GRM7: variants seen among roughly 807,000 people sequenced by gnomAD.
GRM7 encodes the protein metabotropic glutamate receptor 7.
A neutral mutation model predicts 84.5 loss-of-function variants in GRM7; 35 were observed. The ratio of observed to expected loss-of-function variants is 0.41; its 90% CI spans 0.32 to 0.55. The LOEUF (loss-of-function observed/expected upper bound fraction) is 0.55. GRM7 is among the 20% of genes least tolerant of loss of function. GRM7 has a pLI of 0.19. For missense variants in GRM7, 1,003 were observed against 1,194.6 expected, an observed-to-expected ratio of 0.84 and a Z score of 2.36; for synonymous variants, 487 against 455.1, an observed-to-expected ratio of 1.07 and a Z score of -0.89.
chr3:7,441,650 T>C (rs1697292380), intron 5 of GRM7, among the ~76,000 whole-genome samples: 1 of 152,182 alleles, frequency 6.6e-6, no homozygotes. Context: ...CTTGGGTTAA[T>C]TTTTGTATAT....
chr3:7,531,090 A>C (rs1701019590), intron 7 of GRM7, among the ~76,000 whole-genome samples: 1 of 152,168 alleles, frequency 6.6e-6, no homozygotes, highest in Non-Finnish European at 1.5e-5. Context: ...CTTATGTTTA[A>C]GTCTTTAATC....
chr3:7,292,342 A>G (rs972459449), intron 2 of GRM7, among the ~76,000 whole-genome samples: 10 of 152,292 alleles, frequency 6.6e-5, no homozygotes, highest in Admixed American at 4.6e-4. Flanking sequence ...CTTTTATAAT[A>G]TGTATCCTCT....
At chr3:7,227,824 T>C (rs1263210065) in intron 2 of GRM7, among the ~76,000 whole-genome samples, 1 of 152,114 alleles carries the variant, frequency 6.6e-6, no homozygotes, top group Non-Finnish European at 1.5e-5. Context: ...GATAGGAATA[T>C]AACATAAAAA....
At chr3:7,332,260 C>G (rs1701237230) in intron 4 of GRM7, among the ~76,000 whole-genome samples, 1 of 152,154 alleles carries the variant, frequency 6.6e-6, no homozygotes, top group South Asian at 2.1e-4. Flanking sequence ...ATTCTCCCAA[C>G]AACTTTGTGT....
chr3:7,569,786 C>T (rs1169350833), intron 7 of GRM7, among the ~76,000 whole-genome samples: 2 of 152,072 alleles, frequency 1.3e-5, no homozygotes, highest in Non-Finnish European at 1.5e-5. Flanking sequence ...CGCGAAGGTC[C>T]GCAGCTTCAC....
intron 9 of GRM7, among the ~76,000 whole-genome samples, chr3:7,684,453 G>A (rs2125144956): frequency 6.6e-6 from 1 of 152,256 alleles, no homozygotes; most frequent in Non-Finnish European, 1.5e-5. Flanking sequence ...TAGTCTCAAT[G>A]TATTTCAATC....
At chr3:7,041,018 G>A (rs1696586855) in intron 1 of GRM7, among the ~76,000 whole-genome samples, 1 of 151,080 alleles carries the variant, frequency 6.6e-6, no homozygotes, top group Non-Finnish European at 1.5e-5. Flanking sequence ...GGGAGGTTAA[G>A]GCTGCAAGCC....
intron 1 of GRM7, among the ~76,000 whole-genome samples, chr3:7,004,057 T>A: frequency 6.6e-6 from 1 of 152,212 alleles, no homozygotes; most frequent in East Asian, 1.9e-4. Context: ...TAATGGCTGC[T>A]GGCTTCCCCC....
At chr3:7,103,053 C>T (rs1452108677) in intron 1 of GRM7, among the ~76,000 whole-genome samples, 2 of 151,762 alleles carry the variant, frequency 1.3e-5, no homozygotes, top group Non-Finnish European at 2.9e-5. Flanking sequence ...AAGCCCGTTT[C>T]CACTGATTTT....
intron 8 of GRM7, among the ~76,000 whole-genome samples, chr3:7,631,471 T>C (rs1227882907): frequency 6.6e-6 from 1 of 152,162 alleles, no homozygotes; most frequent in East Asian, 1.9e-4. Flanking sequence ...TTTTCCTCCT[T>C]TATCCCATTC....
At chr3:7,215,492 G>A (rs1696572435) in intron 2 of GRM7, among the ~76,000 whole-genome samples, 1 of 151,798 alleles carries the variant, frequency 6.6e-6, no homozygotes, top group Non-Finnish European at 1.5e-5. Context: ...GTGAAACCCC[G>A]TCTCTACTAA....
In GRM7 at chr3:7,066,350, T is replaced by C. The variant is rs967714969; in HGVS notation, c.520-80102T>C. 2.0e-5 allele frequency among the ~76,000 whole-genome samples: 3 copies of C among 151,958 alleles called. No individual in the cohort carries two copies. The East Asian group carries it at 5.8e-4, about 30-fold the overall frequency. ...GAAATGAAACAGGAGATATTACAAC[T>C]GACACCACTGAAATACAAAAGCTCA... is the stretch of plus-strand genomic sequence containing the variant. On this transcript the variant is annotated intron_variant, in intron 1 of 9. Coordinates refer to ENST00000357716, the MANE Select transcript of GRM7 (RefSeq NM_000844.4).
rs546429118 is a variant in GRM7 at position 7,669,488 on chromosome 3, A to T, written c.2452-10561A>T. Reference sequence around the variant, plus strand: ...AGTTCTTTGGGCCATGTGAAGGAATATTATCTTCATCCAAAGTGTGGTAGA... The same window carrying T: ...AGTTCTTTGGGCCATGTGAAGGAATTTTATCTTCATCCAAAGTGTGGTAGA... On this transcript the variant is annotated intron_variant, in intron 8 of 9. Transcript: ENST00000357716. 9.1e-4 allele frequency among the ~76,000 whole-genome samples: 138 copies of T among 152,314 alleles called. 2 individuals carry two copies. The South Asian group carries it at 0.026, about 29-fold the overall frequency.
chr3:7,247,601 TTA>T lies in GRM7; in HGVS notation c.737-51082_737-51081del, dbSNP rs754514009. On this transcript the variant is annotated intron_variant, in intron 2 of 9. Transcript: ENST00000357716. Reference sequence around the variant, plus strand: ...AGAATGAGACACTCTCTCTTTTTTTTTAAAAAAAAAAAAAAAAAAGAAGAAGA... The same window carrying T: ...AGAATGAGACACTCTCTCTTTTTTTTAAAAAAAAAAAAAAAAAGAAGAAGA... Among the ~76,000 whole-genome samples, 191 of 136,758 alleles carry T rather than the reference TTA, an allele frequency of 1.4e-3. 1 individual carries two copies. The highest frequency in any genetic ancestry group is 5.4e-3 in the African/African-American group (181 of 33,658). The allele number at this position is 136,758 out of a possible 152,430, so 89.7% of individuals were successfully genotyped here.
chr3:7,550,396 T>G (rs13067740), intron 7 of GRM7, among the ~76,000 whole-genome samples: 55,149 of 143,612 alleles, frequency 0.38, 11,444 homozygotes, highest in Non-Finnish European at 0.46. Flanking sequence ...TTGCTTGCTT[T>G]CTTTCTTTTC....
At position 6,861,258 on chromosome 3, in the gene GRM7, T is replaced by C; in HGVS notation, c.-131T>C. On this transcript the variant is annotated 5_prime_UTR_variant, in exon 1 of 10. Transcript: ENST00000357716. This position sits in a 1 kb window ranked among gnomAD's most constrained non-coding sequence, Gnocchi z 6.4. ...CCTCTCTGGTCGCCCCTCCCCGGAT[T>C]CCCCCACCCTCCGTGCCTGCAGGAG... is the stretch of plus-strand genomic sequence containing the variant. 2 of 716,296 alleles carry C rather than the reference T, an allele frequency of 2.8e-6. No individual in the cohort carries two copies. Among genetic ancestry groups the C allele is most frequent in the Non-Finnish European group, 4.0e-6 (2 of 494,574 alleles). The allele number at this position is 716,296 out of a possible 1,614,324, so 44.4% of individuals were successfully genotyped here.
At chr3:7,382,211 T>C (rs547130227) in intron 4 of GRM7, among the ~76,000 whole-genome samples, 70 of 152,310 alleles carry the variant, frequency 4.6e-4, no homozygotes, top group African/African-American at 1.5e-3. Flanking sequence ...AAGCTGTTTA[T>C]TTCTGTACCA....
intron 4 of GRM7, among the ~76,000 whole-genome samples, chr3:7,353,445 C>G (rs1392851691): frequency 6.6e-6 from 1 of 152,000 alleles, no homozygotes; most frequent in Non-Finnish European, 1.5e-5. Flanking sequence ...AGTTAAAAAA[C>G]TTAGTTTATT....
At chr3:7,561,532 G>A (rs1010793162) in intron 7 of GRM7, 1 of 456,474 alleles carries the variant, frequency 2.2e-6, no homozygotes, top group Non-Finnish European at 4.4e-6. Context: ...CAGAATGTTG[G>A]CATGGAAAGT....
Sources: allele counts gnomAD v4.1 joint callset (sites outside exome capture counted in the v4.1 genomes callset), GRCh38; gene constraint gnomAD v4.1.1; non-coding constraint Gnocchi (gnomAD v3.1); transcripts MANE v1.5; gene names NCBI Gene and HGNC (gene_info 2026-07-23, HGNC 2026-07-21).